Variants in SLCO1B1 observed in about 807,000 individuals in gnomAD.
The protein encoded by SLCO1B1 is OATP-2.
A neutral mutation model predicts 70.1 loss-of-function variants in SLCO1B1; 81 were observed. The ratio of observed to expected loss-of-function variants is 1.16; its 90% confidence interval spans 0.97 to 1.39. The LOEUF (loss-of-function observed/expected upper bound fraction) is 1.39, where lower values mean the gene tolerates loss of function less well. Ranked by LOEUF, SLCO1B1 falls within the 40% of genes most tolerant of loss-of-function variation. The pLI, the probability that SLCO1B1 is intolerant of heterozygous loss-of-function variation, is 0.00. For synonymous variants in SLCO1B1, 283 were observed against 271.5 expected, an observed-to-expected ratio of 1.04 and a Z score of -0.42; for missense variants, 895 against 799.6, an observed-to-expected ratio of 1.12 and a Z score of -1.44.
chr12:21,135,457 G>A (rs575609318), intron 1 of SLCO1B1, among the ~76,000 whole-genome samples: 2 of 152,092 alleles, frequency 1.3e-5, no homozygotes, highest in African/African-American at 4.8e-5. Flanking sequence ...CATTATTATT[G>A]AGTGGAATTC....
At chr12:21,228,597 A>G (rs1472482104) in intron 14 of SLCO1B1, among the ~76,000 whole-genome samples, 1 of 152,172 alleles carries the variant, frequency 6.6e-6, no homozygotes, top group African/African-American at 2.4e-5. Flanking sequence ...AAATATCCTA[A>G]AAAATAAAAA....
intron 7 of SLCO1B1, among the ~76,000 whole-genome samples, chr12:21,192,972 G>A (rs1941047387): frequency 6.6e-6 from 1 of 151,570 alleles, no homozygotes; most frequent in Non-Finnish European, 1.5e-5. Flanking sequence ...TTTAATTATT[G>A]AAAAGTTTGT....
At chr12:21,187,462 C>T (rs1940975887) in intron 7 of SLCO1B1, among the ~76,000 whole-genome samples, 1 of 152,044 alleles carries the variant, frequency 6.6e-6, no homozygotes, top group African/African-American at 2.4e-5. Context: ...ATAAGTTCAA[C>T]ATCAAAGGCA....
intron 14 of SLCO1B1, among the ~76,000 whole-genome samples, chr12:21,237,234 T>C (rs1406957173): frequency 6.6e-6 from 1 of 152,188 alleles, no homozygotes; most frequent in Non-Finnish European, 1.5e-5. Context: ...CTGACCTATA[T>C]GAGTCTCTCT....
At chr12:21,174,067 CTTAA>C (rs1275425293) in intron 3 of SLCO1B1, among the ~76,000 whole-genome samples, 3 of 151,878 alleles carry the variant, frequency 2.0e-5, no homozygotes, top group Non-Finnish European at 4.4e-5. Flanking sequence ...TCTGGAAGTT[CTTAA>C]TTAAGTTCCG....
At position 21,190,381 on chromosome 12, in the gene SLCO1B1, ACT is replaced by A. The variant is rs528388567; in HGVS notation, c.728-6562_728-6561del. ...CTCACTCTTTGGCAGTCCCCTAGCC[ACT>A]CTTTCACCACATACCTGTGTCTGAG... is the stretch of plus-strand genomic sequence containing the variant. On this transcript the variant is annotated intron_variant, in intron 7 of 14. Coordinates refer to ENST00000256958, the MANE Select transcript of SLCO1B1 (RefSeq NM_006446.5). 1.6e-3 allele frequency among the ~76,000 whole-genome samples: 240 copies of A among 151,876 alleles called. 3 individuals are homozygous for A. Among genetic ancestry groups the A allele is most frequent in the African/African-American group, 5.7e-3 (238 of 41,406 alleles).
At chr12:21,152,412 T>A (rs140593369) in intron 2 of SLCO1B1, among the ~76,000 whole-genome samples, 2,124 of 151,706 alleles carry the variant, frequency 0.014, 31 homozygotes, top group Admixed American at 0.024. Flanking sequence ...TTATATATAT[T>A]TTTTTTCTTT....
intron 14 of SLCO1B1, among the ~76,000 whole-genome samples, chr12:21,238,112 A>G (rs1162326820): frequency 3.9e-5 from 6 of 152,112 alleles, no homozygotes; most frequent in Non-Finnish European, 8.8e-5. Flanking sequence ...CAAAATTTTT[A>G]TATGATTTCA....
intron 1 of SLCO1B1, among the ~76,000 whole-genome samples, chr12:21,134,193 A>G (rs531103754): frequency 6.6e-5 from 10 of 152,298 alleles, no homozygotes; most frequent in Non-Finnish European, 1.0e-4. Flanking sequence ...CCACTTGGTC[A>G]TGTTGGATAA....
intron 2 of SLCO1B1, among the ~76,000 whole-genome samples, chr12:21,146,143 A>C (rs1210012049): frequency 6.6e-6 from 1 of 152,122 alleles, no homozygotes; most frequent in African/African-American, 2.4e-5. Context: ...TAGTCCTTTT[A>C]ATATTGTCTA....
chr12:21,152,366 G>C (rs2121061304), intron 2 of SLCO1B1, among the ~76,000 whole-genome samples: 1 of 151,620 alleles, frequency 6.6e-6, no homozygotes, highest in Non-Finnish European at 1.5e-5. Flanking sequence ...TTCTGTATCT[G>C]AGTTTGGTTC....
At chr12:21,151,629 T>A (rs1940471961) in intron 2 of SLCO1B1, among the ~76,000 whole-genome samples, 1 of 152,122 alleles carries the variant, frequency 6.6e-6, no homozygotes, top group South Asian at 2.1e-4. Flanking sequence ...TAGATCTGAG[T>A]TTCTGATTTA....
intron 7 of SLCO1B1, among the ~76,000 whole-genome samples, chr12:21,186,118 T>C (rs1940959263): frequency 6.6e-6 from 1 of 152,134 alleles, no homozygotes; most frequent in African/African-American, 2.4e-5. Flanking sequence ...CTACTAATTC[T>C]AATTTTATTC....
chr12:21,209,599 G>C (rs1188824850), intron 11 of SLCO1B1, among the ~76,000 whole-genome samples: 1 of 152,090 alleles, frequency 6.6e-6, no homozygotes, highest in Non-Finnish European at 1.5e-5. Context: ...GGGTCAAATG[G>C]TATTTCCAGT....
Position 21,196,976 on chromosome 12 carries a change from G to T in SLCO1B1, c.758G>T (p.Arg253Leu). Residue 253 changes from arginine to leucine, a missense_variant, in exon 8 of 15, where the codon CGA becomes CTA. By Grantham distance (102) the Arg-to-Leu change is moderately radical (BLOSUM62 -2). Transcript: ENST00000256958. ...STIRITPTDS[R>L]WVGAWWLNFL... ...ATCAGGATAACTCCTACTGATTCTC[G>T]ATGGGTTGGAGCTTGGTGGCTTAAT... 2.5e-6 allele frequency: 4 copies of T among 1,613,394 alleles called. No homozygotes were observed. Among genetic ancestry groups the T allele is most frequent in the Non-Finnish European group, 3.4e-6 (4 of 1,179,540 alleles).
intron 2 of SLCO1B1, among the ~76,000 whole-genome samples, chr12:21,149,732 TACACCA>T (rs1565666445): frequency 2.6e-5 from 4 of 152,178 alleles, no homozygotes; most frequent in Non-Finnish European, 4.4e-5. Flanking sequence ...CTCGGGTGCC[TACACCA>T]CCAGGGCCCT....
chr12:21,168,548 C>T (rs11045812), intron 2 of SLCO1B1, among the ~76,000 whole-genome samples: 54,368 of 152,048 alleles, frequency 0.36, 11,777 homozygotes, highest in Non-Finnish European at 0.48. Context: ...TTCTCTTACT[C>T]GTTATTTTCT....
intron 14 of SLCO1B1, among the ~76,000 whole-genome samples, chr12:21,231,576 TA>T (rs1941538797): frequency 6.6e-6 from 1 of 151,134 alleles, no homozygotes. Flanking sequence ...AATAAATAAA[TA>T]AAAACTTCTC....
chr12:21,208,242 T>C (rs1489743992), intron 11 of SLCO1B1, among the ~76,000 whole-genome samples: 1 of 152,112 alleles, frequency 6.6e-6, no homozygotes, highest in Non-Finnish European at 1.5e-5. Flanking sequence ...TTCTTGGTTT[T>C]CTTCAGTGGT....
Sources: gnomAD v4.1 joint callset for allele counts (sites outside exome capture counted in the v4.1 genomes callset) on GRCh38, gnomAD v4.1.1 for gene constraint, MANE v1.5 for transcripts, NCBI Gene and HGNC (gene_info 2026-07-23, HGNC 2026-07-21) for gene names.